Variants in FOXP2 observed in about 807,000 individuals in gnomAD.
FOXP2 encodes forkhead box protein P2.
In FOXP2, 12 loss-of-function variants were observed where a neutral mutation model predicts 115.8. The observed-to-expected ratio is 0.10, with a 90% CI of 0.07 to 0.17. The LOEUF (loss-of-function observed/expected upper bound fraction) is 0.17, where lower values mean the gene tolerates loss of function less well. Ranked by LOEUF, FOXP2 falls within the 10% of genes least tolerant of loss-of-function variation. FOXP2 has a pLI of 1.00. For missense variants in FOXP2, 629 were observed against 843.5 expected, an observed-to-expected ratio of 0.75 and a Z score of 3.15; for synonymous variants, 328 against 297.7, an observed-to-expected ratio of 1.10 and a Z score of -1.05.
At chr7:114,552,189 G>A (rs1288666270) in intron 3 of FOXP2, among the ~76,000 whole-genome samples, 1 of 152,140 alleles carries the variant, frequency 6.6e-6, no homozygotes, top group African/African-American at 2.4e-5. Flanking sequence ...TTAGGGTATA[G>A]CTTACTTTAG....
intron 1 of FOXP2, among the ~76,000 whole-genome samples, chr7:114,155,906 G>A (rs556127874): frequency 6.6e-6 from 1 of 152,126 alleles, no homozygotes; most frequent in Admixed American, 6.6e-5. Context: ...TTTCTGGGGG[G>A]TTGCATCCCT....
intron 2 of FOXP2, among the ~76,000 whole-genome samples, chr7:114,513,594 CA>C (rs1312824284): frequency 6.6e-6 from 1 of 151,988 alleles, no homozygotes; most frequent in Non-Finnish European, 1.5e-5. Context: ...TAGATGTCCT[CA>C]GTGAACTGAA....
intron 2 of FOXP2, chr7:114,499,182 A>G (rs1245105106): frequency 4.5e-6 from 2 of 442,998 alleles, no homozygotes; most frequent in African/African-American, 4.0e-5. Context: ...GATCCAGCTC[A>G]CTTTTGCTCA....
chr7:114,391,701 A>G (rs1792606507), intron 2 of FOXP2, among the ~76,000 whole-genome samples: 1 of 152,242 alleles, frequency 6.6e-6, no homozygotes, highest in African/African-American at 2.4e-5. Flanking sequence ...GACACAAACC[A>G]TAAAACGTAA....
At chr7:114,314,414 C>T (rs1276241244) in intron 2 of FOXP2, among the ~76,000 whole-genome samples, 1 of 152,106 alleles carries the variant, frequency 6.6e-6, no homozygotes, top group African/African-American at 2.4e-5. Flanking sequence ...TTGCTCTTTG[C>T]TTCCTTCAGA....
chr7:114,653,525 G>T (rs1389347735), intron 9 of FOXP2: 1 of 313,102 alleles, frequency 3.2e-6, no homozygotes, highest in African/African-American at 2.2e-5. Flanking sequence ...GACAATCCTG[G>T]CAGGCACTTT....
chr7:114,261,422 C>A (rs115959196), intron 1 of FOXP2, among the ~76,000 whole-genome samples: 1 of 152,054 alleles, frequency 6.6e-6, no homozygotes, highest in Non-Finnish European at 1.5e-5. Flanking sequence ...CTATTCCTTG[C>A]GTGTTTCATT....
intron 1 of FOXP2, among the ~76,000 whole-genome samples, chr7:114,272,008 T>C (rs1796071671): frequency 7.3e-6 from 1 of 137,142 alleles, no homozygotes; most frequent in South Asian, 2.1e-4. Context: ...TGTAATATTA[T>C]AATTATAATA....
intron 2 of FOXP2, among the ~76,000 whole-genome samples, chr7:114,447,694 A>C (rs1298364558): frequency 6.6e-6 from 1 of 152,164 alleles, no homozygotes; most frequent in Non-Finnish European, 1.5e-5. Context: ...TCTGAGATTT[A>C]AAGTCATTTC....
intron 1 of FOXP2, among the ~76,000 whole-genome samples, chr7:114,129,618 G>A (rs770892305): frequency 1.8e-4 from 27 of 152,176 alleles, no homozygotes; most frequent in Admixed American, 1.3e-4. Context: ...GTTGCTCCAA[G>A]GGATGTCATC....
chr7:114,376,439 G>A (rs1787496936), intron 2 of FOXP2, among the ~76,000 whole-genome samples: 1 of 152,222 alleles, frequency 6.6e-6, no homozygotes, highest in African/African-American at 2.4e-5. Flanking sequence ...CAATATGTGA[G>A]AGAATTCAGC....
At chr7:114,336,837 A>T (rs751814295) in intron 2 of FOXP2, among the ~76,000 whole-genome samples, 1 of 151,446 alleles carries the variant, frequency 6.6e-6, no homozygotes, top group African/African-American at 2.4e-5. Flanking sequence ...TTCCATGTTC[A>T]CTGTATTTCA....
At chr7:114,446,375 T>A (rs1794836109) in intron 2 of FOXP2, among the ~76,000 whole-genome samples, 2 of 151,948 alleles carry the variant, frequency 1.3e-5, no homozygotes, top group Non-Finnish European at 2.9e-5. Context: ...ATCTAGTAAG[T>A]TTCTGACACT....
chr7:114,274,803 GTTTGTTTT>G (rs370924848), intron 1 of FOXP2, among the ~76,000 whole-genome samples: 113 of 150,724 alleles, frequency 7.5e-4, no homozygotes, highest in East Asian at 6.6e-3. Context: ...TTTTTTGTTT[GTTTGTTTT>G]TTTGTTTTTT....
At chr7:114,086,480 C>A (rs747378886), upstream of FOXP2, 23 of 349,366 alleles carry the variant, frequency 6.6e-5, no homozygotes, top group Admixed American at 2.6e-4. Flanking sequence ...CGGCCCCCCC[C>A]CTCCCCGGGC....
intron 1 of FOXP2, among the ~76,000 whole-genome samples, chr7:114,264,453 C>G (rs780189119): frequency 2.0e-5 from 3 of 152,134 alleles, no homozygotes; most frequent in Non-Finnish European, 4.4e-5. Flanking sequence ...CCCTCCCACC[C>G]CTATTTAAAC....
At position 114,586,500 on chromosome 7, in the gene FOXP2, T is replaced by A. The variant is rs185751608; in HGVS notation, c.259-42040T>A. 2.1e-3 allele frequency among the ~76,000 whole-genome samples: 324 copies of A among 152,208 alleles called. 2 individuals are homozygous for A. Among genetic ancestry groups the A allele is most frequent in the Non-Finnish European group, 2.3e-3 (159 of 67,962 alleles). On this transcript the variant is annotated intron_variant, in intron 3 of 16. Coordinates refer to ENST00000350908, the MANE Select transcript of FOXP2 (RefSeq NM_014491.4). The stretch of plus-strand genomic sequence containing the variant: ...TTATAGAATGCTTGATGGCTTTAAT[T>A]TATGCATTGAATATGCAAATAGATT...
At chr7:114,249,493 G>A (rs530075421) in intron 1 of FOXP2, among the ~76,000 whole-genome samples, 1 of 152,006 alleles carries the variant, frequency 6.6e-6, no homozygotes, top group Non-Finnish European at 1.5e-5. Flanking sequence ...TGTTAGTTTG[G>A]TGAGGATAAT....
rs1221318133 is a variant in FOXP2 at position 114,415,367 on chromosome 7, T to G, written c.-11+7T>G. ...TCTAACATTTCCAGAGAAGGTACGTTACTTTTTGCTAAGAGAATATCTGTA... is the reference window on the plus strand; with the variant it reads ...TCTAACATTTCCAGAGAAGGTACGTGACTTTTTGCTAAGAGAATATCTGTA... On this transcript the variant is annotated splice_region_variant and intron_variant, in intron 1 of 16. Coordinates refer to ENST00000350908, the MANE Select transcript of FOXP2 (RefSeq NM_014491.4). 2.2e-6 allele frequency: 1 copy of G among 444,784 alleles called. No individual in the cohort carries two copies. Among genetic ancestry groups the G allele is most frequent in the Admixed American group, 2.5e-5 (1 of 40,784 alleles). The allele number at this position is 444,784 out of a possible 1,614,324, so 27.6% of individuals were successfully genotyped here.
Sources: allele counts gnomAD v4.1 joint callset (sites outside exome capture counted in the v4.1 genomes callset), GRCh38; gene constraint gnomAD v4.1.1; transcripts MANE v1.5; gene names NCBI Gene and HGNC (gene_info 2026-07-23, HGNC 2026-07-21).